RBFOX1: variants seen among roughly 807,000 people sequenced by gnomAD.
RBFOX1 encodes the protein RNA binding protein fox-1 homolog 1.
RBFOX1 carries 8 observed loss-of-function variants against 57.7 expected under a neutral mutation model. The observed-to-expected ratio is 0.14, with a 90% CI of 0.08 to 0.25. The LOEUF is 0.25. Among genes scored for constraint, RBFOX1 ranks in the 10% least tolerant of loss-of-function variants. The probability of loss-of-function intolerance (pLI) is 1.00; values close to 1 mark genes in which losing one functional copy is unlikely to be tolerated. For missense variants in RBFOX1, 611 were observed against 548.5 expected, an observed-to-expected ratio of 1.11 and a Z score of -1.14; for synonymous variants, 326 against 222.4, an observed-to-expected ratio of 1.47 and a Z score of -4.15.
intron 3 of RBFOX1, among the ~76,000 whole-genome samples, chr16:5,855,348 C>T (rs1016680850): frequency 2.9e-4 from 44 of 152,138 alleles, no homozygotes; most frequent in African/African-American, 2.7e-4. Flanking sequence ...GGTAACCTTA[C>T]GGTTCAAGTC....
At chr16:7,457,327 C>T (rs973944900) in intron 4 of RBFOX1, among the ~76,000 whole-genome samples, 4 of 152,148 alleles carry the variant, frequency 2.6e-5, no homozygotes, top group Non-Finnish European at 1.5e-5. Context: ...GGTGCTGGGC[C>T]TCCTGACATT....
At chr16:6,717,079 TC>T (rs2064981317) in intron 3 of RBFOX1, among the ~76,000 whole-genome samples, 1 of 152,136 alleles carries the variant, frequency 6.6e-6, no homozygotes, top group South Asian at 2.1e-4. Context: ...AGAGTTCCCT[TC>T]CCACACACCA....
intron 3 of RBFOX1, among the ~76,000 whole-genome samples, chr16:6,890,876 G>C (rs745774953): frequency 6.6e-6 from 1 of 152,174 alleles, no homozygotes; most frequent in Non-Finnish European, 1.5e-5. Flanking sequence ...TAAATAAAAG[G>C]GATGAAGTCA....
chr16:7,134,362 A>T (rs1451083239), intron 4 of RBFOX1, among the ~76,000 whole-genome samples: 1 of 152,164 alleles, frequency 6.6e-6, no homozygotes, highest in African/African-American at 2.4e-5. Context: ...ACCGTCAAAG[A>T]CTTTAACATC....
intron 3 of RBFOX1, among the ~76,000 whole-genome samples, chr16:6,937,948 C>T (rs1340078252): frequency 4.1e-5 from 5 of 122,302 alleles, no homozygotes; most frequent in African/African-American, 9.9e-5. Flanking sequence ...TTTGGAATGC[C>T]CTGGCTGAGA....
At chr16:6,839,275 G>T (rs1007153747) in intron 3 of RBFOX1, among the ~76,000 whole-genome samples, 4 of 152,142 alleles carry the variant, frequency 2.6e-5, no homozygotes, top group Non-Finnish European at 5.9e-5. Context: ...AAGAGCCACT[G>T]TGCCCGGCAC....
At chr16:5,667,966 T>C (rs944490578) in intron 3 of RBFOX1, among the ~76,000 whole-genome samples, 2 of 152,114 alleles carry the variant, frequency 1.3e-5, no homozygotes, top group African/African-American at 4.8e-5. Context: ...GCAGTTGCCC[T>C]GGTTGGCTTC....
At chr16:7,588,266 C>T (rs1000895381) in intron 7 of RBFOX1, among the ~76,000 whole-genome samples, 6 of 152,130 alleles carry the variant, frequency 3.9e-5, no homozygotes, top group Admixed American at 3.9e-4. Flanking sequence ...CAGTGGCTAA[C>T]CAAGGGTGGT....
At chr16:6,415,561 C>T (rs1435242599) in intron 2 of RBFOX1, among the ~76,000 whole-genome samples, 1 of 151,774 alleles carries the variant, frequency 6.6e-6, no homozygotes, top group Non-Finnish European at 1.5e-5. Context: ...ATTAGCTGGG[C>T]GTGGTGGCAG....
chr16:5,362,875 C>T (rs1050702426), intron 1 of RBFOX1, among the ~76,000 whole-genome samples: 104 of 152,152 alleles, frequency 6.8e-4, no homozygotes, highest in African/African-American at 2.3e-3. Flanking sequence ...TTCCTTTTTT[C>T]AAGCTAAATA....
At chr16:6,396,106 C>G (rs1462986015) in intron 2 of RBFOX1, among the ~76,000 whole-genome samples, 1 of 144,398 alleles carries the variant, frequency 6.9e-6, no homozygotes, top group Non-Finnish European at 1.5e-5. Context: ...AACACCTTTA[C>G]TCTTATGGCA....
intron 4 of RBFOX1, among the ~76,000 whole-genome samples, chr16:7,318,628 A>C (rs1004351966): frequency 1.3e-5 from 2 of 152,228 alleles, no homozygotes; most frequent in African/African-American, 4.8e-5. Context: ...ACAAACTCTT[A>C]GACATAGAGA....
chr16:6,428,715 C>G (rs368707599), intron 2 of RBFOX1, among the ~76,000 whole-genome samples: 1 of 152,168 alleles, frequency 6.6e-6, no homozygotes, highest in Non-Finnish European at 1.5e-5. Flanking sequence ...AGAATATTCA[C>G]TGGGCTACGT....
intron 3 of RBFOX1, among the ~76,000 whole-genome samples, chr16:5,790,060 G>A (rs990573359): frequency 6.6e-6 from 1 of 152,214 alleles, no homozygotes; most frequent in African/African-American, 2.4e-5. Context: ...AACCCTTGTG[G>A]TTATTCGGGA....
Position 7,167,123 on chromosome 16 carries a change from C to G in RBFOX1, c.27+115025C>G, listed in dbSNP as rs964467335. On this transcript the variant is annotated intron_variant, in intron 4 of 15. Transcript: ENST00000550418. ...GCCTCAGCCTCCTGAGTAGCTGAGACTACAGGTGCCTGTCATCATACGTGG... is the reference window on the plus strand; with the variant it reads ...GCCTCAGCCTCCTGAGTAGCTGAGAGTACAGGTGCCTGTCATCATACGTGG... 2.6e-5 allele frequency among the ~76,000 whole-genome samples: 4 copies of G among 151,134 alleles called. No individual in the cohort carries two copies. In the East Asian group the frequency reaches 5.9e-4, roughly 22 times the overall value.
At chr16:6,027,833 G>T (rs769896311) in intron 1 of RBFOX1, among the ~76,000 whole-genome samples, 57 of 152,192 alleles carry the variant, frequency 3.7e-4, no homozygotes, top group Non-Finnish European at 5.7e-4. Flanking sequence ...AGTGAAGGGG[G>T]AAGAACCCAG....
At chr16:6,674,380 G>C (rs990953174) in intron 3 of RBFOX1, among the ~76,000 whole-genome samples, 2 of 151,720 alleles carry the variant, frequency 1.3e-5, no homozygotes, top group African/African-American at 2.4e-5. Flanking sequence ...GGAGTGCAAT[G>C]GTGCGATCTC....
intron 4 of RBFOX1, among the ~76,000 whole-genome samples, chr16:7,279,308 C>G (rs1317352064): frequency 6.6e-6 from 1 of 152,064 alleles, no homozygotes; most frequent in Non-Finnish European, 1.5e-5. Flanking sequence ...AGCTGAAATG[C>G]GGATTTCTCA....
chr16:7,067,075 C>G (rs577754488), intron 4 of RBFOX1, among the ~76,000 whole-genome samples: 62 of 152,148 alleles, frequency 4.1e-4, no homozygotes, highest in Non-Finnish European at 7.5e-4. Context: ...GGGACACACA[C>G]AGAATCTATA....
Sources: allele counts gnomAD v4.1 joint callset (sites outside exome capture counted in the v4.1 genomes callset), GRCh38; gene constraint gnomAD v4.1.1; transcripts MANE v1.5; gene names NCBI Gene and HGNC (gene_info 2026-07-23, HGNC 2026-07-21).